SMG7: variants seen among roughly 807,000 people sequenced by gnomAD.
SMG7 encodes the protein SMG7 nonsense mediated mRNA decay factor.
Under a neutral mutation model 148.2 loss-of-function variants are expected in SMG7, and 34 were observed. The observed-to-expected ratio is 0.23, with a 90% CI of 0.17 to 0.31. SMG7 has a LOEUF of 0.31. SMG7 is among the 10% of genes least tolerant of loss of function. The pLI is 1.00. For missense variants in SMG7, 1,114 were observed against 1,408.4 expected (o/e 0.79, Z 3.35); for synonymous variants, 492 against 515.1 (o/e 0.96, Z 0.61).
At position 183,529,056 on chromosome 1, in the gene SMG7, GT is replaced by G. The variant is rs549291323; in HGVS notation, c.707+24del. On this transcript the variant is annotated intron_variant, in intron 7 of 22. Coordinates refer to ENST00000688051, the MANE Select transcript of SMG7 (RefSeq NM_001375584.1). ...AGCACTGGAAAGGTAGGGTTGTTTG[GT>G]TTTTTTTTTCTCTTTCCAAGAGGAC... 1.7e-4 allele frequency: 256 copies of G among 1,471,420 alleles called. No individual in the cohort carries two copies. Among genetic ancestry groups the G allele is most frequent in the Admixed American group, 7.5e-4 (36 of 47,766 alleles). 91.1% of individuals were successfully genotyped at this position (1,471,420 alleles called of 1,614,324 possible).
chr1:183,494,833 C>A (rs1359779552), intron 1 of SMG7, among the ~76,000 whole-genome samples: 1 of 110,780 alleles, frequency 9.0e-6, no homozygotes, highest in African/African-American at 3.6e-5. Flanking sequence ...GTGGTGCAAT[C>A]TCGGCTCACC....
At chr1:183,502,449 T>G in intron 1 of SMG7, 2 of 1,357,258 alleles carry the variant, frequency 1.5e-6, no homozygotes, top group Non-Finnish European at 2.0e-6. Flanking sequence ...GAGATGTGTA[T>G]TATTCATACT....
chr1:183,550,135 C>T (rs1232070725), intron 20 of SMG7: 3 of 488,656 alleles, frequency 6.1e-6, no homozygotes, highest in Non-Finnish European at 1.1e-5. Flanking sequence ...TTTTTACATC[C>T]TCAGTAGCCA....
In SMG7 at chr1:183,550,014, C is replaced by T. The variant is rs181115787; in HGVS notation, c.3133+91C>T. 50 of 789,744 alleles carry T rather than the reference C, an allele frequency of 6.3e-5. No homozygotes were observed. The African/African-American group carries it at 8.4e-4, about 13-fold the overall frequency. The allele number at this position is 789,744 out of a possible 1,614,324, so 48.9% of individuals were successfully genotyped here. A position where few individuals can be genotyped will look rare whatever the true frequency, so the allele number is the denominator to read the frequency against. ...TGAGATTCTGTAATTACAAATATAT[C>T]ATTTGTTGGGTTATTTTTATTTTTT... is the stretch of plus-strand genomic sequence containing the variant. On this transcript the variant is annotated intron_variant, in intron 20 of 22. Coordinates refer to ENST00000688051, the MANE Select transcript of SMG7 (RefSeq NM_001375584.1).
intron 1 of SMG7, chr1:183,508,060 G>A (rs1003341553): frequency 2.4e-6 from 1 of 418,008 alleles, no homozygotes; most frequent in Middle Eastern, 1.1e-3. Context: ...AGGAATTCAT[G>A]TTGCCATACC....
rs1272279316 is a variant in SMG7, at chr1:183,529,285, TC to T, written c.708-112del. The stretch of plus-strand genomic sequence containing the variant: ...TCTTGAGTGTGTTGCAGTTGAAAAA[TC>T]AGTCAAATACAGCTCTTTTGTGTAT... On this transcript the variant is annotated intron_variant, in intron 7 of 22. Transcript: ENST00000688051. 1.5e-5 allele frequency: 19 copies of T among 1,245,842 alleles called. 1 individual carries two copies. Among genetic ancestry groups the T allele is most frequent in the Non-Finnish European group, 2.0e-5 (18 of 889,962 alleles). 77.2% of individuals were successfully genotyped at this position (1,245,842 alleles called of 1,614,324 possible). A position where few individuals can be genotyped will look rare whatever the true frequency, so the allele number is the denominator to read the frequency against.
chr1:183,549,851 G>GC lies in SMG7; in HGVS notation c.3067dup (p.Gln1023ProfsTer10). 6.2e-7 allele frequency: 1 copy of GC among 1,613,674 alleles called. No individual in the cohort carries two copies. Among genetic ancestry groups the GC allele is most frequent in the Non-Finnish European group, 8.5e-7 (1 of 1,179,702 alleles). ...CAAAGCAGAACTCAGTCCCTCAATG[G>GC]CCCCCCAGGAAACATCTCTGTATTC... is the stretch of plus-strand genomic sequence containing the variant. On this transcript the variant is annotated frameshift_variant, in exon 20 of 23. Coordinates refer to ENST00000688051, the MANE Select transcript of SMG7 (RefSeq NM_001375584.1). LOFTEE classifies it high-confidence loss of function.
At chr1:183,540,837 A>G in intron 12 of SMG7, 147 bp from the exon 13 acceptor site, 1 of 535,270 alleles carries the variant, frequency 1.9e-6, no homozygotes, top group South Asian at 2.9e-5. Context: ...GGTAGTATAA[A>G]TTCTAATAAA....
At chr1:183,543,207 G>A (rs1011656674) in intron 14 of SMG7, among the ~76,000 whole-genome samples, 25 of 152,022 alleles carry the variant, frequency 1.6e-4, no homozygotes, top group African/African-American at 5.8e-4. Flanking sequence ...CCTTTATTCT[G>A]TGATGGTTTT....
chr1:183,493,556 T>C (rs567999612), intron 1 of SMG7, among the ~76,000 whole-genome samples: 1 of 152,266 alleles, frequency 6.6e-6, no homozygotes, highest in East Asian at 1.9e-4. Context: ...ATAACCTTAG[T>C]GTTGGTCTAA....
chr1:183,484,452 G>A (rs758563789), intron 1 of SMG7, among the ~76,000 whole-genome samples: 1 of 149,178 alleles, frequency 6.7e-6, no homozygotes, highest in Non-Finnish European at 1.5e-5. Flanking sequence ...TAACCCTCAT[G>A]CTTTCTGCTT....
chr1:183,483,024 A>C (rs1469148582), intron 1 of SMG7, among the ~76,000 whole-genome samples: 1 of 152,202 alleles, frequency 6.6e-6, no homozygotes, highest in Non-Finnish European at 1.5e-5. Flanking sequence ...GTCATAAAGA[A>C]GAAAAACTTT....
chr1:183,533,126 C>T (rs1237255806), intron 8 of SMG7, 38 bp from the exon 9 acceptor site: 2 of 1,580,254 alleles, frequency 1.3e-6, no homozygotes, highest in African/African-American at 2.7e-5. Flanking sequence ...GGTTCCTGTT[C>T]TTGATAATAT....
chr1:183,526,181 C>T (rs956133099), intron 4 of SMG7, among the ~76,000 whole-genome samples: 3 of 145,502 alleles, frequency 2.1e-5, no homozygotes, highest in African/African-American at 2.6e-5. Flanking sequence ...GACAGTCTTG[C>T]TCTCTCACCC....
chr1:183,545,263 C>T lies in SMG7; in HGVS notation c.2321C>T (p.Ala774Val). 6.2e-7 allele frequency: 1 copy of T among 1,613,336 alleles called. No individual in the cohort carries two copies. The highest frequency in any genetic ancestry group is 8.5e-7 in the Non-Finnish European group (1 of 1,179,996). ...LTQQQQSPTK[A>V]VPALGKSPPH... ...CAGCAACAACAATCCCCTACAAAAG[C>T]TGTGCCGGCTTTGGGGAAAAGCCCG... Residue 774 changes from alanine (A) to valine (V), a missense_variant, in exon 16 of 23, where the codon GCT (alanine) becomes GTT (valine). Ala to Val is a moderately conservative substitution (Grantham distance 64). This residue lies in a region of SMG7 where 788 missense variants were observed against 894.5 expected (regional missense o/e 0.88). Coordinates refer to ENST00000688051, the MANE Select transcript of SMG7 (RefSeq NM_001375584.1).
intron 8 of SMG7, among the ~76,000 whole-genome samples, chr1:183,530,039 T>C (rs563679980): frequency 6.6e-6 from 1 of 152,276 alleles, no homozygotes; most frequent in East Asian, 1.9e-4. Context: ...GTGAAAATGA[T>C]CTTTTATTAG....
intron 2 of SMG7, among the ~76,000 whole-genome samples, chr1:183,515,391 T>G (rs1163460932): frequency 3.3e-5 from 5 of 152,176 alleles, no homozygotes; most frequent in Admixed American, 1.3e-4. Flanking sequence ...GATGTGAGAA[T>G]TCTGTAAGGA....
In SMG7 at chr1:183,553,421, C is replaced by T. The variant is rs1671364378; in HGVS notation, c.*1490C>T. On this transcript the variant is annotated 3_prime_UTR_variant, in exon 23 of 23. Coordinates refer to ENST00000688051, the MANE Select transcript of SMG7 (RefSeq NM_001375584.1). Reference sequence around the variant, plus strand: ...GTATGTTTGTGTACACACACGTGCCCATCTGCTGTCCCAGAGGGGAGGGGT... The same window carrying T: ...GTATGTTTGTGTACACACACGTGCCTATCTGCTGTCCCAGAGGGGAGGGGT... The T allele has an allele frequency of 7.5e-6, 4 of 530,662 alleles. No individual in the cohort carries two copies. The highest frequency in any genetic ancestry group is 1.3e-5 in the Non-Finnish European group (4 of 297,658). 32.9% of individuals were successfully genotyped at this position (530,662 alleles called of 1,614,324 possible).
At chr1:183,474,570 A>G (rs1651651049) in intron 1 of SMG7, among the ~76,000 whole-genome samples, 1 of 152,240 alleles carries the variant, frequency 6.6e-6, no homozygotes, top group South Asian at 2.1e-4. Flanking sequence ...GTCTCAATAA[A>G]TAAGTAAATA....
Sources: gnomAD v4.1 joint callset for allele counts (sites outside exome capture counted in the v4.1 genomes callset) on GRCh38, gnomAD v4.1.1 for gene constraint, gnomAD v4.1.1 regional missense constraint, MANE v1.5 for transcripts, NCBI Gene and HGNC (gene_info 2026-07-23, HGNC 2026-07-21) for gene names.